The following PDE4D variants were observed in gnomAD, a reference collection of about 807,000 sequenced individuals.
PDE4D encodes phosphodiesterase 4D, also known as 3',5'-cyclic-AMP phosphodiesterase 4D.
A neutral mutation model predicts 87.4 loss-of-function variants in PDE4D; 24 were observed. The observed-to-expected ratio is 0.27, with a 90% confidence interval of 0.20 to 0.39. PDE4D has a LOEUF of 0.39. PDE4D is among the 10% of genes least tolerant of loss of function. PDE4D has a pLI of 1.00. For synonymous variants in PDE4D, 384 were observed against 383.2 expected, an observed-to-expected ratio of 1.00 and a Z score of -0.02; for missense variants, 714 against 1,041.0, an observed-to-expected ratio of 0.69 and a Z score of 4.32.
chr5:59,767,558 C>T (rs1171203180), intron 1 of PDE4D, among the ~76,000 whole-genome samples: 1 of 151,720 alleles, frequency 6.6e-6, no homozygotes, highest in African/African-American at 2.4e-5. Flanking sequence ...ACAAATTCAC[C>T]CATTATAAAG....
intron 1 of PDE4D, among the ~76,000 whole-genome samples, chr5:59,781,848 C>T (rs935933147): frequency 6.9e-6 from 1 of 145,698 alleles, no homozygotes; most frequent in Admixed American, 6.9e-5. Context: ...TGCTGATTTC[C>T]ATTTCCATTG....
chr5:59,238,525 T>A (rs147705807), intron 1 of PDE4D, among the ~76,000 whole-genome samples: 1 of 152,316 alleles, frequency 6.6e-6, no homozygotes, highest in East Asian at 1.9e-4. Flanking sequence ...GTCATTCGAC[T>A]TTTGTTGAGC....
intron 1 of PDE4D, among the ~76,000 whole-genome samples, chr5:59,775,889 C>T (rs963867855): frequency 2.0e-5 from 3 of 152,082 alleles, no homozygotes; most frequent in African/African-American, 7.2e-5. Flanking sequence ...TTTTTGGAAT[C>T]TTTCTCAAAT....
At chr5:59,944,548 T>G (rs1408281411) in intron 3 of PDE4D, among the ~76,000 whole-genome samples, 1 of 152,140 alleles carries the variant, frequency 6.6e-6, no homozygotes, top group Non-Finnish European at 1.5e-5. Context: ...ATTTTTTGTA[T>G]TTTTAGTAGA....
chr5:59,192,830 A>G (rs549372155), intron 3 of PDE4D, among the ~76,000 whole-genome samples: 1 of 152,104 alleles, frequency 6.6e-6, no homozygotes, highest in Non-Finnish European at 1.5e-5. Context: ...AGATCTCCAA[A>G]TTTTTGGATT....
chr5:60,043,315 G>A (rs1050916702), intron 2 of PDE4D, among the ~76,000 whole-genome samples: 11 of 152,244 alleles, frequency 7.2e-5, no homozygotes, highest in African/African-American at 2.2e-4. Flanking sequence ...ACAAACTTAC[G>A]TTTGATTGGT....
chr5:60,285,768 A>G (rs1253428285), intron 1 of PDE4D, among the ~76,000 whole-genome samples: 3 of 152,190 alleles, frequency 2.0e-5, no homozygotes, highest in South Asian at 4.1e-4. Flanking sequence ...AAATTCATCA[A>G]ATATGGATTG....
intron 1 of PDE4D, among the ~76,000 whole-genome samples, chr5:59,852,752 A>G (rs1363425021): frequency 6.6e-6 from 1 of 152,048 alleles, no homozygotes. Flanking sequence ...TGTATAAGAC[A>G]GTTTCTAAAA....
At chr5:58,989,381 A>C (rs1747321527) in intron 10 of PDE4D, among the ~76,000 whole-genome samples, 3 of 152,188 alleles carry the variant, frequency 2.0e-5, no homozygotes, top group Admixed American at 2.0e-4. Flanking sequence ...TATTCTATGA[A>C]AAAATATCAA....
intron 1 of PDE4D, among the ~76,000 whole-genome samples, chr5:60,431,333 A>G (rs1374555772): frequency 9.9e-4 from 149 of 149,842 alleles, no homozygotes; most frequent in African/African-American, 3.5e-3. Context: ...GTTGCCAGGC[A>G]GAGGGTCTCC....
chr5:59,323,178 ATCTG>A (rs1775024747), intron 1 of PDE4D, among the ~76,000 whole-genome samples: 1 of 152,072 alleles, frequency 6.6e-6, no homozygotes, highest in Admixed American at 6.6e-5. Flanking sequence ...GACAATTCCC[ATCTG>A]TCTAATCTTT....
At chr5:59,512,512 A>G (rs2153669273) in intron 1 of PDE4D, among the ~76,000 whole-genome samples, 1 of 152,300 alleles carries the variant, frequency 6.6e-6, no homozygotes, top group East Asian at 1.9e-4. Context: ...GAATAGATGA[A>G]TGAACTTGGG....
At chr5:59,515,733 T>C (rs566429473) in intron 1 of PDE4D, among the ~76,000 whole-genome samples, 133 of 152,278 alleles carry the variant, frequency 8.7e-4, no homozygotes, top group Middle Eastern at 3.4e-3. Context: ...AAAAAATGTA[T>C]AAGATCTTCG....
At chr5:60,422,046 A>C (rs994134550) in intron 1 of PDE4D, among the ~76,000 whole-genome samples, 2 of 152,254 alleles carry the variant, frequency 1.3e-5, no homozygotes, top group African/African-American at 2.4e-5. Context: ...GGACTATGTG[A>C]AAAGACCAAA....
rs1769657876 is a variant in PDE4D, at chr5:59,821,442, C to G, written c.455+71726G>C. Among the ~76,000 whole-genome samples, 3 of 150,258 alleles carry G rather than the reference C, an allele frequency of 2.0e-5. No homozygotes were observed. In the South Asian group the frequency reaches 6.3e-4, roughly 32 times the overall value. On this transcript the variant is annotated intron_variant, in intron 1 of 14. Coordinates refer to ENST00000340635, the MANE Select transcript of PDE4D (RefSeq NM_001104631.2). Reference sequence around the variant, plus strand: ...TAAGGTGGAGACATCCATTTACACACTTACATTGAATGAATAAAGACTGTC... The same window carrying G: ...TAAGGTGGAGACATCCATTTACACAGTTACATTGAATGAATAAAGACTGTC...
At chr5:59,280,014 C>T (rs571413503) in intron 1 of PDE4D, among the ~76,000 whole-genome samples, 5 of 152,154 alleles carry the variant, frequency 3.3e-5, no homozygotes, top group Admixed American at 2.0e-4. Flanking sequence ...AATGTTAGAT[C>T]TTTAAGATAT....
intron 1 of PDE4D, among the ~76,000 whole-genome samples, chr5:60,260,553 A>C (rs1749542806): frequency 6.6e-6 from 1 of 152,120 alleles, no homozygotes; most frequent in South Asian, 2.1e-4. Flanking sequence ...AGAAACTTAT[A>C]ATCTCAATCT....
intron 1 of PDE4D, among the ~76,000 whole-genome samples, chr5:60,466,984 A>G (rs900491024): frequency 6.6e-6 from 1 of 150,860 alleles, no homozygotes; most frequent in Non-Finnish European, 1.5e-5. Flanking sequence ...AGCATCTACT[A>G]CTTTATTTTA....
chr5:59,807,374 C>T (rs566134470), intron 1 of PDE4D, among the ~76,000 whole-genome samples: 3 of 152,278 alleles, frequency 2.0e-5, no homozygotes, highest in South Asian at 4.1e-4. Context: ...GTCCCATTTC[C>T]CCCATGCTTC....
Sources: gnomAD v4.1 joint callset for allele counts (sites outside exome capture counted in the v4.1 genomes callset) on GRCh38, gnomAD v4.1.1 for gene constraint, MANE v1.5 for transcripts, NCBI Gene and HGNC (gene_info 2026-07-23, HGNC 2026-07-21) for gene names.